Variants in KIAA1549L observed in about 807,000 individuals in gnomAD.
KIAA1549L encodes KIAA1549 like.
Under a neutral mutation model 160.7 loss-of-function variants are expected in KIAA1549L, and 88 were observed. The observed-to-expected ratio is 0.55, with a 90% CI of 0.46 to 0.65. KIAA1549L has a LOEUF of 0.65. Among genes scored for constraint, KIAA1549L ranks in the 30% least tolerant of loss-of-function variants. The pLI is 0.00. For missense variants in KIAA1549L, 2,258 were observed against 2,437.5 expected, an observed-to-expected ratio of 0.93 and a Z score of 1.55; for synonymous variants, 950 against 976.7, an observed-to-expected ratio of 0.97 and a Z score of 0.51.
At chr11:33,463,142 T>G (rs1851977462) in intron 1 of KIAA1549L, among the ~76,000 whole-genome samples, 1 of 152,216 alleles carries the variant, frequency 6.6e-6, no homozygotes, top group African/African-American at 2.4e-5. Context: ...TTTTTCTTCC[T>G]TAATGGTACT....
chr11:33,605,445 G>T (rs1218007492), intron 13 of KIAA1549L, among the ~76,000 whole-genome samples: 1 of 152,084 alleles, frequency 6.6e-6, no homozygotes, highest in African/African-American at 2.4e-5. Flanking sequence ...TTCAAATAGA[G>T]ATTTTCCTCT....
At chr11:33,541,061 T>C (rs540775174) in intron 1 of KIAA1549L, among the ~76,000 whole-genome samples, 1 of 152,318 alleles carries the variant, frequency 6.6e-6, no homozygotes, top group African/African-American at 2.4e-5. Context: ...CCAAGAGTTG[T>C]TTCCTCGCCT....
chr11:33,519,631 A>G (rs1853432269), intron 1 of KIAA1549L, among the ~76,000 whole-genome samples: 1 of 152,228 alleles, frequency 6.6e-6, no homozygotes, highest in Non-Finnish European at 1.5e-5. Flanking sequence ...ATATAATGAT[A>G]CTGAACAAGA....
At chr11:33,579,084 C>G (rs1459551205) in intron 10 of KIAA1549L, among the ~76,000 whole-genome samples, 1 of 152,174 alleles carries the variant, frequency 6.6e-6, no homozygotes, top group African/African-American at 2.4e-5. Context: ...AGGCCCAGCC[C>G]CTGCTCTTCC....
At chr11:33,409,115 T>C (rs10836060) in intron 1 of KIAA1549L, among the ~76,000 whole-genome samples, 42,440 of 151,972 alleles carry the variant, frequency 0.28, 6,224 homozygotes, top group East Asian at 0.53. Flanking sequence ...TCATAGCATC[T>C]GTGTGCATTT....
chr11:33,658,601 T>C, intron 18 of KIAA1549L, 149 bp from the exon 19 acceptor site: 1 of 729,774 alleles, frequency 1.4e-6, no homozygotes, highest in Non-Finnish European at 2.2e-6. Flanking sequence ...AGAAGTCCGT[T>C]TGTTATCTGG....
intron 1 of KIAA1549L, among the ~76,000 whole-genome samples, chr11:33,435,786 A>ATGTGTGTGTGTG (rs1287703565): frequency 0.011 from 204 of 18,954 alleles, 25 homozygotes; most frequent in Admixed American, 0.022. Flanking sequence ...ATATATATAT[A>ATGTGTGTGTGTG]TATATATATA....
chr11:33,656,775 G>A (rs1852079031), intron 18 of KIAA1549L, among the ~76,000 whole-genome samples: 1 of 152,146 alleles, frequency 6.6e-6, no homozygotes, highest in Non-Finnish European at 1.5e-5. Flanking sequence ...ATGGGTCTGG[G>A]CTTTGTGAAT....
chr11:33,430,562 C>G (rs569680788), intron 1 of KIAA1549L, among the ~76,000 whole-genome samples: 1 of 152,190 alleles, frequency 6.6e-6, no homozygotes. Flanking sequence ...TGCAGAGTTT[C>G]ATTTTTATAA....
At chr11:33,488,493 T>C (rs936448506) in intron 1 of KIAA1549L, among the ~76,000 whole-genome samples, 13 of 152,246 alleles carry the variant, frequency 8.5e-5, no homozygotes, top group African/African-American at 3.1e-4. Flanking sequence ...TAATAGTTAC[T>C]AGCATTGATT....
intron 16 of KIAA1549L, among the ~76,000 whole-genome samples, chr11:33,643,141 G>C (rs1851631598): frequency 6.6e-6 from 1 of 152,216 alleles, no homozygotes; most frequent in African/African-American, 2.4e-5. Context: ...TCCCCATGCA[G>C]AATGGAAACC....
intron 1 of KIAA1549L, among the ~76,000 whole-genome samples, chr11:33,446,570 T>G (rs1851616335): frequency 6.6e-6 from 1 of 152,200 alleles, no homozygotes; most frequent in Admixed American, 6.5e-5. Flanking sequence ...CAGGATCAGC[T>G]TGGCCACGTA....
rs78399902 is a variant in KIAA1549L, at chr11:33,456,472, G to A, written c.238+79583G>A. Among the ~76,000 whole-genome samples, 1,516 of 152,112 alleles carry A rather than the reference G, an allele frequency of 1.0e-2. 25 individuals are homozygous for A. Among genetic ancestry groups the A allele is most frequent in the African/African-American group, 0.033 (1,384 of 41,492 alleles). On this transcript the variant is annotated intron_variant, in intron 1 of 20. Transcript: ENST00000658780. ...ATCACCTAGTCTGGGGTATGATGGC[G>A]CGATCATGGCTCACTGCAACCTTGA...
chr11:33,615,972 T>C (rs1409777170), intron 15 of KIAA1549L, among the ~76,000 whole-genome samples: 4 of 152,172 alleles, frequency 2.6e-5, no homozygotes, highest in Non-Finnish European at 5.9e-5. Context: ...CTCACTGAGG[T>C]TGTGCTTCCC....
At chr11:33,435,778 A>ATGTGTGTGTG (rs1293537942) in intron 1 of KIAA1549L, among the ~76,000 whole-genome samples, 1 of 17,630 alleles carries the variant, frequency 5.7e-5, no homozygotes, top group African/African-American at 3.4e-4. Flanking sequence ...ATATATATAT[A>ATGTGTGTGTG]TATATATATA....
At chr11:33,653,518 G>A (rs1004723923) in intron 17 of KIAA1549L, among the ~76,000 whole-genome samples, 1 of 152,088 alleles carries the variant, frequency 6.6e-6, no homozygotes, top group African/African-American at 2.4e-5. Flanking sequence ...AGGCCTTTTG[G>A]GCTGCTTTTA....
intron 1 of KIAA1549L, among the ~76,000 whole-genome samples, chr11:33,475,568 A>G (rs765681731): frequency 1.6e-4 from 24 of 151,500 alleles, no homozygotes; most frequent in Non-Finnish European, 3.2e-4. Flanking sequence ...TAAAAAAAAA[A>G]AAGGCCAGGT....
In KIAA1549L at chr11:33,618,476, A is replaced by G; in HGVS notation, c.5280-57A>G. On this transcript the variant is annotated intron_variant, in intron 15 of 20. Transcript: ENST00000658780. ...GGTTGCCTGTACTTTGGATCAGTGGAGAATTCCATCTGTCAGGGCATTTGC... is the reference window on the plus strand; with the variant it reads ...GGTTGCCTGTACTTTGGATCAGTGGGGAATTCCATCTGTCAGGGCATTTGC... 2.6e-6 allele frequency: 4 copies of G among 1,523,282 alleles called. No individual in the cohort carries two copies. The South Asian group carries it at 3.8e-5, about 14-fold the overall frequency. The allele number at this position is 1,523,282 out of a possible 1,614,324, so 94.4% of individuals were successfully genotyped here.
chr11:33,417,291 G>A (rs1850907653), intron 1 of KIAA1549L, among the ~76,000 whole-genome samples: 2 of 152,090 alleles, frequency 1.3e-5, no homozygotes, highest in African/African-American at 2.4e-5. Context: ...TGCCGCACAG[G>A]CACACAGCAT....
Sources: gnomAD v4.1 joint callset for allele counts (sites outside exome capture counted in the v4.1 genomes callset) on GRCh38, gnomAD v4.1.1 for gene constraint, MANE v1.5 for transcripts, NCBI Gene and HGNC (gene_info 2026-07-23, HGNC 2026-07-21) for gene names.